Variants in CYTH3 observed in about 807,000 individuals in gnomAD.
CYTH3 encodes cytohesin 3.
Under a neutral mutation model 55.1 loss-of-function variants are expected in CYTH3, and 23 were observed. The observed-to-expected ratio is 0.42, with a 90% CI of 0.30 to 0.59. The LOEUF (loss-of-function observed/expected upper bound fraction) is 0.59. Ranked by LOEUF, CYTH3 falls within the 20% of genes least tolerant of loss-of-function variation. The probability of loss-of-function intolerance (pLI) is 0.20; values close to 1 mark genes in which losing one functional copy is unlikely to be tolerated. For synonymous variants in CYTH3, 249 were observed against 194.9 expected, an observed-to-expected ratio of 1.28 and a Z score of -2.31; for missense variants, 413 against 524.8, an observed-to-expected ratio of 0.79 and a Z score of 2.08.
At chr7:6,223,696 T>A (rs780048664) in intron 1 of CYTH3, among the ~76,000 whole-genome samples, 2 of 152,144 alleles carry the variant, frequency 1.3e-5, no homozygotes, top group South Asian at 4.2e-4. Context: ...CAAACACTGC[T>A]GAAGGCCGAA....
chr7:6,259,806 TATATATAATATATATATATA>T (rs1780291016), intron 1 of CYTH3, among the ~76,000 whole-genome samples: 1 of 30,208 alleles, frequency 3.3e-5, no homozygotes, highest in Non-Finnish European at 4.5e-5. Flanking sequence ...TATATATATA[TATATATAATATATATATATA>T]TATATATTTT....
At chr7:6,243,767 T>C (rs1052203202) in intron 1 of CYTH3, among the ~76,000 whole-genome samples, 14 of 152,226 alleles carry the variant, frequency 9.2e-5, no homozygotes, top group African/African-American at 3.4e-4. Flanking sequence ...GGTATTTTAA[T>C]ATGACTATGT....
intron 1 of CYTH3, among the ~76,000 whole-genome samples, chr7:6,246,188 G>C (rs1485741835): frequency 6.6e-6 from 1 of 150,756 alleles, no homozygotes; most frequent in African/African-American, 2.4e-5. Flanking sequence ...TCAAGTAATC[G>C]TCCTGCCTCA....
Position 6,255,924 on chromosome 7 carries a change from C to G in CYTH3, c.34+16550G>C, listed in dbSNP as rs1294762588. Among the ~76,000 whole-genome samples the G allele has an allele frequency of 2.6e-5, 4 of 151,876 alleles. No homozygotes were observed. In the East Asian group the frequency reaches 7.8e-4, roughly 29 times the overall value. ...GACTACAGGTGCCCGCCACTACGCC[C>G]AGCTAATTTTTTGTATTTTTAGTAG... On this transcript the variant is annotated intron_variant, in intron 1 of 12. Transcript: ENST00000350796.
intron 1 of CYTH3, among the ~76,000 whole-genome samples, chr7:6,197,864 A>G (rs955683852): frequency 5.9e-5 from 9 of 152,184 alleles, no homozygotes; most frequent in Non-Finnish European, 1.0e-4. Context: ...AGCCAAAGCC[A>G]GAAGATTGCT....
At chr7:6,185,986 C>G (rs1345801733) in intron 4 of CYTH3, among the ~76,000 whole-genome samples, 2 of 151,708 alleles carry the variant, frequency 1.3e-5, no homozygotes, top group Non-Finnish European at 2.9e-5. Flanking sequence ...GGCTCACGCA[C>G]ATAATCCCAG....
intron 4 of CYTH3, among the ~76,000 whole-genome samples, chr7:6,185,376 A>C (rs1783609195): frequency 6.6e-6 from 1 of 151,294 alleles, no homozygotes; most frequent in African/African-American, 2.5e-5. Context: ...ACCTGAGGTC[A>C]GGAGTTCGAG....
rs181707876 is a variant in CYTH3, at chr7:6,171,388, C to T, written c.450-74G>A. The T allele has an allele frequency of 1.8e-4, 256 of 1,445,282 alleles. No individual in the cohort carries two copies. In the African/African-American group the frequency reaches 3.4e-3, roughly 19 times the overall value. 89.5% of individuals were successfully genotyped at this position (1,445,282 alleles called of 1,614,324 possible). On this transcript the variant is annotated intron_variant, in intron 6 of 12. Transcript: ENST00000350796. This position sits in a 1 kb window ranked among gnomAD's most constrained non-coding sequence, Gnocchi z 6.7. ...CTCACGGCCAAGGGCGGCTTCTGCC[C>T]AGCTCAGGAAGGACGTTTTCCTCCC...
chr7:6,238,209 C>T (rs2128554910), intron 1 of CYTH3, among the ~76,000 whole-genome samples: 1 of 152,214 alleles, frequency 6.6e-6, no homozygotes. Context: ...TTTTGCATTG[C>T]TTTTTAAATT....
intron 1 of CYTH3, among the ~76,000 whole-genome samples, chr7:6,258,582 GA>G (rs1242641467): frequency 6.6e-6 from 1 of 152,182 alleles, no homozygotes; most frequent in Non-Finnish European, 1.5e-5. Context: ...AGGAAGCAAA[GA>G]AGGGTGGATT....
intron 12 of CYTH3, 79 bp from the exon 13 acceptor site, chr7:6,165,095 C>A: frequency 1.9e-6 from 3 of 1,594,868 alleles, no homozygotes; most frequent in Non-Finnish European, 2.6e-6. Flanking sequence ...CCCAGAGGCC[C>A]CTCAGACAGG....
intron 6 of CYTH3, chr7:6,172,810 T>C (rs769497155): frequency 4.1e-5 from 52 of 1,282,426 alleles, no homozygotes; most frequent in East Asian, 2.8e-4. Flanking sequence ...AGGATTCTTA[T>C]ATGTTGCGAA....
chr7:6,175,456 G>A (rs554550482), intron 5 of CYTH3, among the ~76,000 whole-genome samples: 1 of 150,384 alleles, frequency 6.6e-6, no homozygotes, highest in South Asian at 2.1e-4. Context: ...TAATGTGAGG[G>A]TTTATTTCTG....
chr7:6,205,550 G>A (rs192246805), intron 1 of CYTH3, among the ~76,000 whole-genome samples: 1 of 152,170 alleles, frequency 6.6e-6, no homozygotes, highest in Non-Finnish European at 1.5e-5. Flanking sequence ...CTCCAGCCTG[G>A]GCAAAAGAAT....
intron 1 of CYTH3, among the ~76,000 whole-genome samples, chr7:6,229,410 G>A (rs1026421808): frequency 6.6e-6 from 1 of 152,094 alleles, no homozygotes; most frequent in Non-Finnish European, 1.5e-5. Flanking sequence ...CAGACTCCAG[G>A]AACAAGCAAC....
intron 1 of CYTH3, among the ~76,000 whole-genome samples, chr7:6,224,180 G>A (rs1460586451): frequency 2.0e-5 from 3 of 152,090 alleles, no homozygotes; most frequent in Non-Finnish European, 2.9e-5. Context: ...ACCATGCCTG[G>A]TTAATTCTGC....
At chr7:6,179,729 ACACACC>A (rs1562881486) in intron 4 of CYTH3, among the ~76,000 whole-genome samples, 2 of 94,092 alleles carry the variant, frequency 2.1e-5, no homozygotes, top group African/African-American at 9.1e-5. Context: ...CACCACACAC[ACACACC>A]CACCACACAC....
At chr7:6,192,666 G>A (rs1783828591) in intron 1 of CYTH3, among the ~76,000 whole-genome samples, 2 of 151,012 alleles carry the variant, frequency 1.3e-5, no homozygotes, top group Admixed American at 6.6e-5. Context: ...CGAGTAGCTG[G>A]GATTATAGGC....
At chr7:6,209,323 A>G (rs1165457988) in intron 1 of CYTH3, among the ~76,000 whole-genome samples, 1 of 152,264 alleles carries the variant, frequency 6.6e-6, no homozygotes, top group Admixed American at 6.5e-5. Flanking sequence ...AACAAAAAAT[A>G]TTGTAAGATC....
Sources: gnomAD v4.1 joint callset for allele counts (sites outside exome capture counted in the v4.1 genomes callset) on GRCh38, gnomAD v4.1.1 for gene constraint, Gnocchi (gnomAD v3.1) non-coding constraint, MANE v1.5 for transcripts, NCBI Gene and HGNC (gene_info 2026-07-23, HGNC 2026-07-21) for gene names.